The following ZCCHC7 variants were observed in gnomAD, a reference collection of about 807,000 sequenced individuals.
ZCCHC7 encodes the protein zinc finger CCHC-type containing 7, also known as zinc finger CCHC domain-containing protein 7.
ZCCHC7 carries 35 observed loss-of-function variants against 52.0 expected under a neutral mutation model. That is an observed-to-expected ratio of 0.67 (90% CI 0.51 to 0.89). ZCCHC7 has a LOEUF of 0.89. Ranked by LOEUF, ZCCHC7 falls within the 40% of genes least tolerant of loss-of-function variation. The pLI, the probability that ZCCHC7 is intolerant of heterozygous loss-of-function variation, is 0.00. For missense variants in ZCCHC7, 574 were observed against 649.1 expected (o/e 0.88, Z 1.26); for synonymous variants, 217 against 221.5 (o/e 0.98, Z 0.18).
At chr9:37,156,746 G>A (rs1054563822) in intron 2 of ZCCHC7, among the ~76,000 whole-genome samples, 1 of 152,144 alleles carries the variant, frequency 6.6e-6, no homozygotes, top group Non-Finnish European at 1.5e-5. Context: ...AGATAGATAC[G>A]ACTTTGTCAT....
chr9:37,163,414 AAAAT>A (rs1821228486), intron 2 of ZCCHC7, among the ~76,000 whole-genome samples: 1 of 151,870 alleles, frequency 6.6e-6, no homozygotes, highest in African/African-American at 2.4e-5. Flanking sequence ...AGAAAAGAAA[AAAAT>A]AGCAGTTTTC....
chr9:37,150,737 G>C (rs986747280), intron 2 of ZCCHC7, among the ~76,000 whole-genome samples: 8 of 152,072 alleles, frequency 5.3e-5, no homozygotes, highest in African/African-American at 1.2e-4. Context: ...ACACTATAAA[G>C]CTCATATTTA....
chr9:37,152,800 T>TC (rs1347073817), intron 2 of ZCCHC7, among the ~76,000 whole-genome samples: 3 of 152,148 alleles, frequency 2.0e-5, no homozygotes, highest in Admixed American at 6.6e-5. Context: ...TATTCTTTTT[T>TC]CCCCCCTTCT....
At position 37,357,433 on chromosome 9, in the gene ZCCHC7, A is replaced by C; in HGVS notation, c.*165A>C. On this transcript the variant is annotated 3_prime_UTR_variant, in exon 9 of 9. Transcript: ENST00000336755. ...GTTACTGAATATCCATGGAGATCTCAATTCTCTGTGTCCAACAGGATATTA... is the reference window on the plus strand; with the variant it reads ...GTTACTGAATATCCATGGAGATCTCCATTCTCTGTGTCCAACAGGATATTA... 1.8e-6 allele frequency: 1 copy of C among 561,284 alleles called. No individual in the cohort carries two copies. The allele number at this position is 561,284 out of a possible 1,614,324, so 34.8% of individuals were successfully genotyped here.
At chr9:37,320,987 CTTTTTTT>C (rs11303114) in intron 5 of ZCCHC7, among the ~76,000 whole-genome samples, 21 of 116,226 alleles carry the variant, frequency 1.8e-4, no homozygotes, top group African/African-American at 5.1e-4. Flanking sequence ...TTTCTTTTTT[CTTTTTTT>C]TTTTTTTTTT....
At chr9:37,140,232 C>T (rs1588365722) in intron 2 of ZCCHC7, among the ~76,000 whole-genome samples, 1 of 151,966 alleles carries the variant, frequency 6.6e-6, no homozygotes, top group Non-Finnish European at 1.5e-5. Flanking sequence ...AGCATTACTT[C>T]CTACTTTTAA....
In ZCCHC7 at chr9:37,300,792, G is replaced by A. The variant is rs866636141; in HGVS notation, c.611-1396G>A. On this transcript the variant is annotated intron_variant, in intron 2 of 8. Transcript: ENST00000336755. ...TTTCAGTCCTTTTGTCAACACTTTAGTTTCTGCATTAGTCATAGGTCCCTT... is the reference window on the plus strand; with the variant it reads ...TTTCAGTCCTTTTGTCAACACTTTAATTTCTGCATTAGTCATAGGTCCCTT... 1.8e-4 allele frequency among the ~76,000 whole-genome samples: 27 copies of A among 152,278 alleles called. 1 individual carries two copies. The Middle Eastern group carries it at 0.01, about 58-fold the overall frequency.
intron 2 of ZCCHC7, among the ~76,000 whole-genome samples, chr9:37,226,092 A>G (rs999320205): frequency 5.9e-5 from 9 of 152,252 alleles, no homozygotes; most frequent in Non-Finnish European, 1.0e-4. Flanking sequence ...AAGTTTAGCA[A>G]AATTTTTTGT....
At chr9:37,182,494 A>G (rs938989997) in intron 2 of ZCCHC7, among the ~76,000 whole-genome samples, 1 of 151,894 alleles carries the variant, frequency 6.6e-6, no homozygotes, top group Non-Finnish European at 1.5e-5. Context: ...CCTCTTGAGT[A>G]GCCAGGATTA....
intron 6 of ZCCHC7, among the ~76,000 whole-genome samples, chr9:37,337,620 A>G (rs1830740630): frequency 6.6e-6 from 1 of 152,160 alleles, no homozygotes; most frequent in South Asian, 2.1e-4. Context: ...GGCTGGTCTG[A>G]AGCCTCATAG....
chr9:37,348,347 G>GTTCTTTCTTTCTTTCTTTCT (rs58182218), intron 6 of ZCCHC7, among the ~76,000 whole-genome samples: 6,529 of 135,476 alleles, frequency 0.048, 242 homozygotes, highest in South Asian at 0.061. Context: ...ATACCAGTTC[G>GTTCTTTCTTTCTTTCTTTCT]TTCTTTCTTT....
chr9:37,174,480 G>A (rs1022953730), intron 2 of ZCCHC7, among the ~76,000 whole-genome samples: 2 of 152,182 alleles, frequency 1.3e-5, no homozygotes, highest in African/African-American at 4.8e-5. Flanking sequence ...GGAAGACTGT[G>A]TGAGTCATCA....
chr9:37,282,179 T>C (rs1827988433), intron 2 of ZCCHC7, among the ~76,000 whole-genome samples: 1 of 152,206 alleles, frequency 6.6e-6, no homozygotes, highest in Non-Finnish European at 1.5e-5. Flanking sequence ...AGTTTCAGTT[T>C]TGCCAGATGA....
Position 37,305,596 on chromosome 9 carries a change from G to C in ZCCHC7, c.833G>C (p.Cys278Ser). ...AGGAGAGGACATCTCCTGTATTCCT[G>C]TCCAGCCCCCCTTTGCGAATACTGT... ...CSRRGHLLYS[C>S]PAPLCEYCPV... Residue 278 changes from cysteine to serine, a missense_variant, in exon 5 of 9, where the codon TGT (cysteine) becomes TCT (serine). Coordinates refer to ENST00000336755, the MANE Select transcript of ZCCHC7 (RefSeq NM_032226.3). 1 of 1,614,012 alleles carries C rather than the reference G, an allele frequency of 6.2e-7. No homozygotes were observed. Among genetic ancestry groups the C allele is most frequent in the East Asian group, 2.2e-5 (1 of 44,876 alleles).
intron 1 of ZCCHC7, among the ~76,000 whole-genome samples, chr9:37,122,424 G>C (rs1842355965): frequency 6.6e-6 from 1 of 152,184 alleles, no homozygotes; most frequent in South Asian, 2.1e-4. Flanking sequence ...TTCTGGTCAT[G>C]GGATTGATAG....
At chr9:37,233,496 A>C (rs1199031947) in intron 2 of ZCCHC7, among the ~76,000 whole-genome samples, 1 of 152,234 alleles carries the variant, frequency 6.6e-6, no homozygotes, top group African/African-American at 2.4e-5. Flanking sequence ...TCTTAATTGC[A>C]TACCAGTGTT....
At chr9:37,213,227 C>A (rs1268109380) in intron 2 of ZCCHC7, among the ~76,000 whole-genome samples, 1 of 152,096 alleles carries the variant, frequency 6.6e-6, no homozygotes, top group Non-Finnish European at 1.5e-5. Context: ...ACCAAAAGGT[C>A]CTTCCTCCAC....
At chr9:37,137,344 G>T (rs1335572814) in intron 2 of ZCCHC7, among the ~76,000 whole-genome samples, 1 of 152,158 alleles carries the variant, frequency 6.6e-6, no homozygotes, top group African/African-American at 2.4e-5. Context: ...TCGAAAAATG[G>T]GTAGGACTTG....
chr9:37,199,539 G>A (rs1439056792), intron 2 of ZCCHC7, among the ~76,000 whole-genome samples: 1 of 151,722 alleles, frequency 6.6e-6, no homozygotes, highest in Non-Finnish European at 1.5e-5. Context: ...CACTATGTTG[G>A]CCAGGCTGGT....
Sources: gnomAD v4.1 joint callset for allele counts (sites outside exome capture counted in the v4.1 genomes callset) on GRCh38, gnomAD v4.1.1 for gene constraint, MANE v1.5 for transcripts, NCBI Gene and HGNC (gene_info 2026-07-23, HGNC 2026-07-21) for gene names.